Variants in GPC5 observed in about 807,000 individuals in gnomAD.
GPC5 encodes the protein glypican-5.
In GPC5, 47 loss-of-function variants were observed where a neutral mutation model predicts 53.9. The observed-to-expected ratio is 0.87, with a 90% CI of 0.69 to 1.11. GPC5 has a LOEUF of 1.11. Among genes scored for constraint, GPC5 ranks in the 50% most tolerant of loss-of-function variants. GPC5 has a pLI of 0.00. For synonymous variants in GPC5, 286 were observed against 263.3 expected (o/e 1.09, Z -0.84); for missense variants, 748 against 713.1 (o/e 1.05, Z -0.56).
chr13:92,320,612 G>T (rs1466434708), intron 7 of GPC5, among the ~76,000 whole-genome samples: 1 of 152,036 alleles, frequency 6.6e-6, no homozygotes, highest in Non-Finnish European at 1.5e-5. Flanking sequence ...TCTTTTGTTG[G>T]ATGCCTTATT....
At chr13:92,183,180 CATA>C (rs1179615211) in intron 7 of GPC5, among the ~76,000 whole-genome samples, 1 of 152,148 alleles carries the variant, frequency 6.6e-6, no homozygotes, top group Non-Finnish European at 1.5e-5. Flanking sequence ...CCTTTCAAGA[CATA>C]TTTAGATAAT....
At chr13:91,493,879 A>T (rs927873783) in intron 2 of GPC5, among the ~76,000 whole-genome samples, 9 of 150,342 alleles carry the variant, frequency 6.0e-5, no homozygotes, top group African/African-American at 2.2e-4. Context: ...GCTGCATTCT[A>T]TTTTTTTTTA....
intron 6 of GPC5, among the ~76,000 whole-genome samples, chr13:92,057,298 CA>C (rs377505236): frequency 2.1e-4 from 21 of 101,536 alleles, no homozygotes; most frequent in African/African-American, 7.5e-4. Flanking sequence ...AACAAAAAAA[CA>C]AAAAACAAAA....
chr13:91,622,692 C>T (rs1273143918), intron 2 of GPC5, among the ~76,000 whole-genome samples: 1 of 152,034 alleles, frequency 6.6e-6, no homozygotes, highest in African/African-American at 2.4e-5. Flanking sequence ...CATGAGATGC[C>T]TTTGTGATTT....
chr13:92,497,500 A>G (rs1431287466), intron 7 of GPC5, among the ~76,000 whole-genome samples: 1 of 152,200 alleles, frequency 6.6e-6, no homozygotes, highest in African/African-American at 2.4e-5. Context: ...TGTTTTGGTT[A>G]CTGCAGCCTT....
At position 91,465,919 on chromosome 13, in the gene GPC5, C is replaced by T. The variant is rs561799843; in HGVS notation, c.325+16997C>T. Among the ~76,000 whole-genome samples the T allele has an allele frequency of 3.1e-4, 47 of 152,208 alleles. 1 individual carries two copies. Among genetic ancestry groups the T allele is most frequent in the Middle Eastern group, 6.8e-3 (2 of 294 alleles). On this transcript the variant is annotated intron_variant, in intron 2 of 7. Transcript: ENST00000377067. ...TAACAGCTTCATCTAAAGATTCTTC[C>T]CACAAGTTGAATTAATCCAAATCAA...
chr13:91,843,645 T>C (rs998690714), intron 5 of GPC5, among the ~76,000 whole-genome samples: 2 of 152,164 alleles, frequency 1.3e-5, no homozygotes, highest in Non-Finnish European at 2.9e-5. Flanking sequence ...AGGGGGGTCA[T>C]AGAGCCAGAA....
At chr13:91,723,230 C>A (rs1359962807) in intron 3 of GPC5, among the ~76,000 whole-genome samples, 3 of 151,746 alleles carry the variant, frequency 2.0e-5, no homozygotes, top group Non-Finnish European at 4.4e-5. Context: ...TCTCCTCCTC[C>A]TTTTTTGTGG....
intron 5 of GPC5, among the ~76,000 whole-genome samples, chr13:91,867,004 T>C (rs1449044535): frequency 1.3e-5 from 2 of 152,026 alleles, no homozygotes; most frequent in Non-Finnish European, 2.9e-5. Context: ...TCACCTGAGG[T>C]TGGGAGTTTG....
At chr13:91,578,608 T>G (rs2032227584) in intron 2 of GPC5, among the ~76,000 whole-genome samples, 1 of 152,194 alleles carries the variant, frequency 6.6e-6, no homozygotes, top group Non-Finnish European at 1.5e-5. Flanking sequence ...CTTTCATTTT[T>G]TTAAATTTTC....
Position 92,330,004 on chromosome 13 carries a change from C to CTT in GPC5, c.1561+185023_1561+185024dup, listed in dbSNP as rs5805738. ...TGACTTTTAAGTTATACAAACAAAACTTTTTTTTTAAATGCATATTCATGC... is the reference window on the plus strand; with the variant it reads ...TGACTTTTAAGTTATACAAACAAAACTTTTTTTTTTTAAATGCATATTCATGC... On this transcript the variant is annotated intron_variant, in intron 7 of 7. Coordinates refer to ENST00000377067, the MANE Select transcript of GPC5 (RefSeq NM_004466.6). 5.7e-4 allele frequency among the ~76,000 whole-genome samples: 87 copies of CTT among 151,758 alleles called. 1 individual carries two copies. The South Asian group carries it at 6.5e-3, about 11-fold the overall frequency.
chr13:92,829,260 G>A (rs1398606387), intron 7 of GPC5, among the ~76,000 whole-genome samples: 1 of 152,152 alleles, frequency 6.6e-6, no homozygotes, highest in African/African-American at 2.4e-5. Context: ...TAAGATATCT[G>A]ATGTGAGAGA....
chr13:92,338,731 T>C (rs928055526), intron 7 of GPC5, among the ~76,000 whole-genome samples: 2 of 151,870 alleles, frequency 1.3e-5, no homozygotes, highest in African/African-American at 4.8e-5. Flanking sequence ...TTGCTAGAGG[T>C]TGGGGAGCAG....
In GPC5 at chr13:92,761,897, G is replaced by GA. The variant is rs760730441; in HGVS notation, c.1562-104381dup. Among the ~76,000 whole-genome samples the GA allele has an allele frequency of 2.7e-4, 41 of 152,176 alleles. 1 individual carries two copies. The highest frequency in any genetic ancestry group is 1.1e-3 in the Admixed American group (17 of 15,272). On this transcript the variant is annotated intron_variant, in intron 7 of 7. Coordinates refer to ENST00000377067, the MANE Select transcript of GPC5 (RefSeq NM_004466.6). The stretch of plus-strand genomic sequence containing the variant: ...GAGAAAATGTGCTGAAAGAGAAAAA[G>GA]AAAACCTGGCAGCTGAGAATATTAT...
chr13:92,053,758 C>T (rs974195335), intron 6 of GPC5, among the ~76,000 whole-genome samples: 1 of 151,834 alleles, frequency 6.6e-6, no homozygotes, highest in African/African-American at 2.4e-5. Context: ...TGGCCGGGCG[C>T]GGTGGTTTAC....
chr13:92,619,755 G>A (rs1884810020), intron 7 of GPC5, among the ~76,000 whole-genome samples: 1 of 151,936 alleles, frequency 6.6e-6, no homozygotes, highest in Non-Finnish European at 1.5e-5. Context: ...AGTCAGGAAA[G>A]TATATTTAAA....
At chr13:91,927,650 A>C (rs1228376793) in intron 6 of GPC5, among the ~76,000 whole-genome samples, 2 of 152,154 alleles carry the variant, frequency 1.3e-5, no homozygotes, top group East Asian at 3.8e-4. Flanking sequence ...AACTTATGGA[A>C]GTTTTGCTTA....
At chr13:92,830,625 T>TA (rs1174329091) in intron 7 of GPC5, among the ~76,000 whole-genome samples, 3 of 152,242 alleles carry the variant, frequency 2.0e-5, no homozygotes, top group Non-Finnish European at 4.4e-5. Context: ...GGATTTTTTT[T>TA]AAAAAAGCTT....
chr13:91,942,138 A>G (rs2039933148), intron 6 of GPC5, among the ~76,000 whole-genome samples: 1 of 152,092 alleles, frequency 6.6e-6, no homozygotes, highest in African/African-American at 2.4e-5. Context: ...TGTGCTGTCC[A>G]ATAGATCTCT....
Sources: allele counts gnomAD v4.1 joint callset (sites outside exome capture counted in the v4.1 genomes callset), GRCh38; gene constraint gnomAD v4.1.1; transcripts MANE v1.5; gene names NCBI Gene and HGNC (gene_info 2026-07-23, HGNC 2026-07-21).